The following SOX6 variants were observed in gnomAD, a reference collection of about 807,000 sequenced individuals.
SOX6 encodes the protein transcription factor SOX-6.
Under a neutral mutation model 97.8 loss-of-function variants are expected in SOX6, and 11 were observed. That is an observed-to-expected ratio of 0.11 (90% CI 0.07 to 0.19). The LOEUF is 0.19. Among genes scored for constraint, SOX6 ranks in the 10% least tolerant of loss-of-function variants. The pLI is 1.00. For synonymous variants in SOX6, 360 were observed against 371.4 expected (o/e 0.97, Z 0.35); for missense variants, 810 against 1,039.5 (o/e 0.78, Z 3.04).
At position 16,132,262 on chromosome 11, in the gene SOX6, AGAAAGAAGGAAGGAAGGAAGGAAG is replaced by A. The variant is rs1360724332; in HGVS notation, c.778-20363_778-20340del. 1.2e-3 allele frequency among the ~76,000 whole-genome samples: 139 copies of A among 113,558 alleles called. 7 individuals carry two copies. Among genetic ancestry groups the A allele is most frequent in the African/African-American group, 4.4e-3 (116 of 26,440 alleles). 74.5% of individuals were successfully genotyped at this position (113,558 alleles called of 152,430 possible). ...AAGAAAGAAAGGAAGGAAGAAAGAA[AGAAAGAAGGAAGGAAGGAAGGAAG>A]GAAGGAAGGAAGGAAGGAAGGAAGG... On this transcript the variant is annotated intron_variant, in intron 6 of 15. Coordinates refer to ENST00000683767, the MANE Select transcript of SOX6 (RefSeq NM_001367873.1).
At chr11:16,722,983 C>A (rs1193691566) in intron 2 of SOX6, among the ~76,000 whole-genome samples, 3 of 152,110 alleles carry the variant, frequency 2.0e-5, no homozygotes, top group Non-Finnish European at 4.4e-5. Flanking sequence ...TGGGTATATA[C>A]CCAAAGGAAT....
At chr11:16,559,396 T>A (rs958880887) in intron 4 of SOX6, among the ~76,000 whole-genome samples, 1 of 152,068 alleles carries the variant, frequency 6.6e-6, no homozygotes, top group African/African-American at 2.4e-5. Flanking sequence ...TACAAAGTCT[T>A]TGCCATAAAA....
intron 4 of SOX6, among the ~76,000 whole-genome samples, chr11:16,523,809 C>G (rs538414265): frequency 6.6e-6 from 1 of 151,994 alleles, no homozygotes; most frequent in Non-Finnish European, 1.5e-5. Flanking sequence ...ATATCACCAC[C>G]GATCCCACAG....
At chr11:16,066,648 G>A (rs1689510157) in intron 9 of SOX6, among the ~76,000 whole-genome samples, 2 of 152,160 alleles carry the variant, frequency 1.3e-5, no homozygotes, top group South Asian at 4.1e-4. Context: ...GCCAGGCACA[G>A]AAAGACAAAC....
At chr11:16,325,100 T>G (rs989201485) in intron 2 of SOX6, among the ~76,000 whole-genome samples, 3 of 152,168 alleles carry the variant, frequency 2.0e-5, no homozygotes, top group African/African-American at 7.2e-5. Context: ...CAGATAATTT[T>G]ATTTCCTTTT....
At chr11:16,394,398 T>G (rs1197417182) in intron 1 of SOX6, among the ~76,000 whole-genome samples, 1 of 151,854 alleles carries the variant, frequency 6.6e-6, no homozygotes, top group East Asian at 1.9e-4. Flanking sequence ...AACATTTTAA[T>G]TAAATCCTCT....
At chr11:16,172,631 C>G (rs1349986) in intron 6 of SOX6, among the ~76,000 whole-genome samples, 1 of 151,790 alleles carries the variant, frequency 6.6e-6, no homozygotes, top group African/African-American at 2.4e-5. Flanking sequence ...TTCCTAAGCA[C>G]GACTATCTAC....
At chr11:16,414,711 A>C (rs1331024741) in intron 1 of SOX6, among the ~76,000 whole-genome samples, 1 of 152,194 alleles carries the variant, frequency 6.6e-6, no homozygotes, top group African/African-American at 2.4e-5. Flanking sequence ...GAGATCACAG[A>C]AGACTACAAG....
At chr11:16,018,306 C>G (rs947361808) in intron 12 of SOX6, among the ~76,000 whole-genome samples, 4 of 152,066 alleles carry the variant, frequency 2.6e-5, no homozygotes, top group African/African-American at 9.7e-5. Flanking sequence ...AACCATTCAA[C>G]TCTTCGGGCA....
chr11:16,061,448 GT>G lies in SOX6; in HGVS notation c.1102-5548del, dbSNP rs1450699919. Among the ~76,000 whole-genome samples, 12 of 151,756 alleles carry G rather than the reference GT, an allele frequency of 7.9e-5. No homozygotes were observed. In the East Asian group the frequency reaches 2.1e-3, roughly 27 times the overall value. On this transcript the variant is annotated intron_variant, in intron 9 of 15. Transcript: ENST00000683767. ...GTCATGGATTAGAAGAACCGGTATT[GT>G]TAAAATGACCATACTGCCCCCAAAG...
intron 1 of SOX6, among the ~76,000 whole-genome samples, chr11:16,383,618 G>A (rs112491288): frequency 6.6e-6 from 1 of 151,910 alleles, no homozygotes; most frequent in Non-Finnish European, 1.5e-5. Flanking sequence ...CATATACTAA[G>A]TGCTCAATAA....
intron 3 of SOX6, among the ~76,000 whole-genome samples, chr11:16,637,015 C>A (rs963467092): frequency 6.6e-6 from 1 of 152,128 alleles, no homozygotes; most frequent in Non-Finnish European, 1.5e-5. Flanking sequence ...TCCCCTTTTC[C>A]TCTGCTAGTG....
At chr11:16,672,667 A>G (rs189152049) in intron 3 of SOX6, among the ~76,000 whole-genome samples, 2 of 152,308 alleles carry the variant, frequency 1.3e-5, no homozygotes, top group African/African-American at 4.8e-5. Context: ...GGTTCCTCCC[A>G]TGACACATGG....
intron 1 of SOX6, among the ~76,000 whole-genome samples, chr11:16,341,624 A>G (rs1031194731): frequency 3.9e-5 from 6 of 152,128 alleles, no homozygotes; most frequent in Non-Finnish European, 5.9e-5. Flanking sequence ...GAAAAAAATG[A>G]ATCAATGAAC....
At chr11:16,383,514 C>T (rs1857889499) in intron 1 of SOX6, among the ~76,000 whole-genome samples, 1 of 151,808 alleles carries the variant, frequency 6.6e-6, no homozygotes, top group Non-Finnish European at 1.5e-5. Flanking sequence ...TTCTCTGAGT[C>T]CAGGTATCTT....
intron 7 of SOX6, among the ~76,000 whole-genome samples, chr11:16,098,970 T>C (rs1401674464): frequency 6.6e-6 from 1 of 151,806 alleles, no homozygotes; most frequent in Non-Finnish European, 1.5e-5. Flanking sequence ...CCAATGTAAA[T>C]GTTAAGTTGC....
chr11:16,728,125 C>A (rs1848321296), intron 2 of SOX6, among the ~76,000 whole-genome samples: 1 of 152,304 alleles, frequency 6.6e-6, no homozygotes, highest in African/African-American at 2.4e-5. Flanking sequence ...CTCCCTGGGA[C>A]AGAACACCTG....
chr11:16,194,750 C>G (rs935010664), intron 4 of SOX6, among the ~76,000 whole-genome samples: 31 of 152,312 alleles, frequency 2.0e-4, no homozygotes, highest in African/African-American at 7.2e-4. Context: ...CTATTCATGT[C>G]GCAAATCCTA....
chr11:16,062,959 T>C (rs1200601565), intron 9 of SOX6, among the ~76,000 whole-genome samples: 4 of 151,768 alleles, frequency 2.6e-5, no homozygotes, highest in African/African-American at 2.4e-5. Context: ...ATAATTAGTA[T>C]TGAAGTTAGA....
Sources: gnomAD v4.1 joint callset for allele counts (sites outside exome capture counted in the v4.1 genomes callset) on GRCh38, gnomAD v4.1.1 for gene constraint, MANE v1.5 for transcripts, NCBI Gene and HGNC (gene_info 2026-07-23, HGNC 2026-07-21) for gene names.